ACAD8: variants seen among roughly 807,000 people sequenced by gnomAD.
ACAD8 encodes acyl-CoA dehydrogenase family member 8.
A neutral mutation model predicts 53.1 loss-of-function variants in ACAD8; 47 were observed. The observed-to-expected ratio is 0.89, with a 90% CI of 0.70 to 1.13. The LOEUF is 1.13. ACAD8 is among the 50% of genes most tolerant of loss of function. ACAD8 has a pLI of 0.00. For synonymous variants in ACAD8, 198 were observed against 201.3 expected (o/e 0.98, Z 0.14); for missense variants, 494 against 535.0 (o/e 0.92, Z 0.76).
rs766640729 is a variant in ACAD8, at chr11:134,261,782, C to T, written c.984C>T (p.Ala328=). ...TLADMATRLV[A]ARLMVRNAAV... ...CTGATATGGCAACAAGGCTGGTGGCCGCGCGGCTGATGGTCCGCAATGCAG... is the reference window on the plus strand; with the variant it reads ...CTGATATGGCAACAAGGCTGGTGGCTGCGCGGCTGATGGTCCGCAATGCAG... Residue 328 remains alanine, a synonymous_variant, in exon 9 of 11, where the codon GCC becomes GCT. Transcript: ENST00000281182. This position sits in a 1 kb window ranked among gnomAD's most constrained non-coding sequence, Gnocchi z 4.2. 8.0e-5 allele frequency: 129 copies of T among 1,614,022 alleles called. 1 individual carries two copies. In the Middle Eastern group the frequency reaches 1.8e-3, roughly 23 times the overall value.
At position 134,256,611 on chromosome 11, in the gene ACAD8, G is replaced by A. The variant is rs749474432; in HGVS notation, c.173G>A (p.Arg58Gln). The A allele has an allele frequency of 1.1e-4, 176 of 1,614,074 alleles. 1 individual carries two copies. In the Middle Eastern group the frequency reaches 1.8e-3, roughly 17 times the overall value. The change falls in exon 2 of 11, where the codon CGA (arginine) becomes CAA (glutamine). Residue 58 changes from arginine (R) to glutamine (Q), a missense_variant. Physicochemically the swap from Arg to Gln is conservative, Grantham distance 43 (BLOSUM62 1). Transcript: ENST00000281182. ...FQKVAFDFAAREMAPNMAEWD... is the reference protein window; with the variant it reads ...FQKVAFDFAAQEMAPNMAEWD... ...AAAGTGGCCTTTGACTTTGCTGCCC[G>A]AGAGATGGCTCCAAATATGGCAGAG...
At chr11:134,253,950 C>G (rs1591500091) in intron 1 of ACAD8, among the ~76,000 whole-genome samples, 1 of 148,216 alleles carries the variant, frequency 6.7e-6, no homozygotes, top group Non-Finnish European at 1.5e-5. Context: ...GGGTCCTCCT[C>G]CGGCCGGTCA....
chr11:134,253,853 CTA>C (rs1939282516), intron 1 of ACAD8, 144 bp downstream of exon 1: 1 of 897,768 alleles, frequency 1.1e-6, no homozygotes, highest in Non-Finnish European at 1.8e-6. Context: ...GCCTGGCTCC[CTA>C]CTCCGGCCGG....
chr11:134,263,163 G>GGGCTCGGAGCCT (rs1940002425), intron 10 of ACAD8: 2 of 1,071,934 alleles, frequency 1.9e-6, no homozygotes, highest in Admixed American at 4.9e-5. Context: ...CGTTGGGGTC[G>GGGCTCGGAGCCT]GGCTCGGAGC....
At chr11:134,257,329 A>C in intron 3 of ACAD8, 72 bp downstream of exon 3, 1 of 1,571,724 alleles carries the variant, frequency 6.4e-7, no homozygotes, top group South Asian at 1.1e-5. Flanking sequence ...GATTCGTAGG[A>C]AAAAGATTGA....
In ACAD8 at chr11:134,264,989, A is replaced by G. The variant is rs925519221; in HGVS notation, c.*29A>G. On this transcript the variant is annotated 3_prime_UTR_variant, in exon 11 of 11. Coordinates refer to ENST00000281182, the MANE Select transcript of ACAD8 (RefSeq NM_014384.3). The stretch of plus-strand genomic sequence containing the variant: ...CCACACTTGTTCTGGCCTGGTGTTC[A>G]GTGCGACTGCAGTCAGTGTTGAGTG... 3 of 1,610,532 alleles carry G rather than the reference A, an allele frequency of 1.9e-6. No individual in the cohort carries two copies. The highest frequency in any genetic ancestry group is 1.3e-5 in the African/African-American group (1 of 74,964).
Position 134,259,209 on chromosome 11 carries a change from C to T in ACAD8, c.567+125C>T, listed in dbSNP as rs555447047. On this transcript the variant is annotated intron_variant, in intron 5 of 10. Transcript: ENST00000281182. ...GATTTTTATGTGTTGGGAAGAGAAC[C>T]TCTGACCCATTTCTCTTTCTTTATT... is the stretch of plus-strand genomic sequence containing the variant. The T allele has an allele frequency of 1.1e-4, 95 of 832,860 alleles. 3 individuals carry two copies. In the South Asian group the frequency reaches 1.3e-3, roughly 11 times the overall value. The allele number at this position is 832,860 out of a possible 1,614,324, so 51.6% of individuals were successfully genotyped here.
At position 134,265,762 on chromosome 11, in the gene ACAD8, GTTGA is replaced by G. The variant is rs1940136915; in HGVS notation, c.*805_*808del. On this transcript the variant is annotated 3_prime_UTR_variant, in exon 11 of 11. Coordinates refer to ENST00000281182, the MANE Select transcript of ACAD8 (RefSeq NM_014384.3). ...CTTCACCACCTCTGGTTCTACTATA[GTTGA>G]TTTTTATTTTAAATGTTTAATTGTA... 1 of 151,906 alleles carries G rather than the reference GTTGA, an allele frequency of 6.6e-6. No individual in the cohort carries two copies. The highest frequency in any genetic ancestry group is 2.4e-5 in the African/African-American group (1 of 41,316). The allele number at this position is 151,906 out of a possible 1,614,324, so 9.4% of individuals were successfully genotyped here. A position where few individuals can be genotyped will look rare whatever the true frequency, so the allele number is the denominator to read the frequency against.
At chr11:134,259,317 C>T (rs968375846) in intron 5 of ACAD8, 1 of 673,426 alleles carries the variant, frequency 1.5e-6, no homozygotes, top group Non-Finnish European at 2.6e-6. Context: ...CTTGGACTGC[C>T]TCTCTGATCT....
chr11:134,260,862 C>T, intron 6 of ACAD8, 182 bp from the exon 7 acceptor site: 1 of 651,572 alleles, frequency 1.5e-6, no homozygotes, highest in South Asian at 1.9e-5. Flanking sequence ...TTAGCTGAAA[C>T]AGGTATCTTT....
chr11:134,262,762 T>G, intron 10 of ACAD8, 140 bp downstream of exon 10: 1 of 1,497,118 alleles, frequency 6.7e-7, no homozygotes, highest in Non-Finnish European at 8.9e-7. Flanking sequence ...CTCCCTCCCG[T>G]TCCGCAGAGC....
chr11:134,263,241 A>AG, intron 10 of ACAD8: 6 of 1,006,654 alleles, frequency 6.0e-6, no homozygotes, highest in Non-Finnish European at 7.1e-6. Context: ...GAAAAGCAGG[A>AG]GGGGCAGAGG....
chr11:134,254,959 A>G (rs1227683662), intron 1 of ACAD8, among the ~76,000 whole-genome samples: 3 of 152,232 alleles, frequency 2.0e-5, no homozygotes, highest in African/African-American at 7.2e-5. Context: ...TTACTTATGC[A>G]TATGATTTGC....
chr11:134,262,867 G>A (rs1390483449), intron 10 of ACAD8: 7 of 1,395,114 alleles, frequency 5.0e-6, no homozygotes, highest in Non-Finnish European at 6.6e-6. Flanking sequence ...CTGGAGATCT[G>A]CGAGAAGGGT....
intron 6 of ACAD8, chr11:134,260,000 T>C (rs1268219678): frequency 2.3e-6 from 3 of 1,320,230 alleles, no homozygotes; most frequent in Non-Finnish European, 2.9e-6. Flanking sequence ...CTCTCCTGCC[T>C]CTGCTTTTGG....
chr11:134,258,452 C>T, intron 3 of ACAD8, 63 bp from the exon 4 acceptor site: 1 of 1,134,640 alleles, frequency 8.8e-7, no homozygotes, highest in Non-Finnish European at 1.3e-6. Context: ...CCTTCTCCCC[C>T]ATTTTTTTTT....
intron 1 of ACAD8, among the ~76,000 whole-genome samples, chr11:134,255,723 GAT>G (rs1939491684): frequency 6.6e-6 from 1 of 152,180 alleles, no homozygotes; most frequent in African/African-American, 2.4e-5. Context: ...TGAGAGTACT[GAT>G]CACAGAAAGC....
intron 1 of ACAD8, among the ~76,000 whole-genome samples, chr11:134,255,202 T>C (rs1939438045): frequency 6.6e-6 from 1 of 152,210 alleles, no homozygotes; most frequent in South Asian, 2.1e-4. Context: ...AGTGGTGCGA[T>C]CTCAACTCAC....
rs577792418 is a variant in ACAD8, at chr11:134,253,995, C to G, written c.109+286C>G. Reference sequence around the variant, plus strand: ...CGGTCCTCCTCCGGCCGGTCACCCCCGCCCCGGTCCTCCTCCGGCCGGTCA... The same window carrying G: ...CGGTCCTCCTCCGGCCGGTCACCCCGGCCCCGGTCCTCCTCCGGCCGGTCA... On this transcript the variant is annotated intron_variant, in intron 1 of 10. Coordinates refer to ENST00000281182, the MANE Select transcript of ACAD8 (RefSeq NM_014384.3). Among the ~76,000 whole-genome samples the G allele has an allele frequency of 2.1e-4, 31 of 148,250 alleles. 1 individual carries two copies. In the East Asian group the frequency reaches 5.2e-3, roughly 25 times the overall value.
Sources: gnomAD v4.1 joint callset for allele counts (sites outside exome capture counted in the v4.1 genomes callset) on GRCh38, gnomAD v4.1.1 for gene constraint, Gnocchi (gnomAD v3.1) non-coding constraint, MANE v1.5 for transcripts, NCBI Gene and HGNC (gene_info 2026-07-23, HGNC 2026-07-21) for gene names.